The following GDF6 variants were observed in gnomAD, a reference collection of about 807,000 sequenced individuals.
GDF6 encodes the protein growth/differentiation factor 6.
In GDF6, 3 loss-of-function variants were observed where a neutral mutation model predicts 32.4. The observed-to-expected ratio is 0.09, with a 90% CI of 0.04 to 0.24. The LOEUF (loss-of-function observed/expected upper bound fraction) is 0.24, where lower values mean the gene tolerates loss of function less well. GDF6 is among the 10% of genes least tolerant of loss of function. GDF6 has a pLI of 1.00. For missense variants in GDF6, 589 were observed against 637.9 expected (o/e 0.92, Z 0.83); for synonymous variants, 296 against 295.3 (o/e 1.00, Z -0.03).
intron 1 of GDF6, among the ~76,000 whole-genome samples, chr8:96,148,543 G>T (rs1812519340): frequency 6.6e-6 from 1 of 152,146 alleles, no homozygotes; most frequent in Admixed American, 6.5e-5. Context: ...CTTGTGGTAG[G>T]GTCTAGAATT....
At chr8:96,149,994 T>A (rs962028306) in intron 1 of GDF6, among the ~76,000 whole-genome samples, 1 of 152,166 alleles carries the variant, frequency 6.6e-6, no homozygotes, top group Non-Finnish European at 1.5e-5. Context: ...GGCTAGCCTG[T>A]AGAGGGTTTC....
intron 1 of GDF6, among the ~76,000 whole-genome samples, chr8:96,148,825 G>T (rs1812523952): frequency 6.6e-6 from 1 of 152,128 alleles, no homozygotes; most frequent in African/African-American, 2.4e-5. Flanking sequence ...AAGTTCTCTT[G>T]GTTCTGGGTC....
Position 96,144,305 on chromosome 8 carries a change from G to T in GDF6, c.*258C>A. The T allele has an allele frequency of 1.3e-5, 5 of 376,218 alleles. No homozygotes were observed. Among genetic ancestry groups the T allele is most frequent in the African/African-American group, 5.1e-5 (2 of 39,126 alleles). 23.3% of individuals were successfully genotyped at this position (376,218 alleles called of 1,614,324 possible). ...GAGAGAGAGAGAAAACAGAACAAAA[G>T]AAATCCTCCTTGGCTTGTTTTTCCA... On this transcript the variant is annotated 3_prime_UTR_variant, in exon 2 of 2. Coordinates refer to ENST00000287020, the MANE Select transcript of GDF6 (RefSeq NM_001001557.4). This position sits in a 1 kb window ranked among gnomAD's most constrained non-coding sequence, Gnocchi z 5.1.
At chr8:96,157,950 C>T (rs564248731) in intron 1 of GDF6, among the ~76,000 whole-genome samples, 1 of 152,156 alleles carries the variant, frequency 6.6e-6, no homozygotes, top group Non-Finnish European at 1.5e-5. Context: ...CAGCAACGCA[C>T]CCCCTCCTCT....
intron 1 of GDF6, among the ~76,000 whole-genome samples, chr8:96,155,549 G>C (rs542321829): frequency 2.0e-5 from 3 of 152,304 alleles, no homozygotes; most frequent in Admixed American, 6.5e-5. Context: ...CCGTGAGCCT[G>C]GACAGTGGCA....
At chr8:96,154,842 C>T (rs1464198943) in intron 1 of GDF6, among the ~76,000 whole-genome samples, 3 of 152,206 alleles carry the variant, frequency 2.0e-5, no homozygotes, top group African/African-American at 4.8e-5. Context: ...TCCGCCACCG[C>T]CCCAGAAAGA....
intron 1 of GDF6, 148 bp downstream of exon 1, chr8:96,160,139 C>A: frequency 2.3e-6 from 2 of 878,984 alleles, no homozygotes; most frequent in Non-Finnish European, 3.8e-6. Flanking sequence ...CAGAAACTTA[C>A]TCGAGCTTGA....
chr8:96,146,520 AGC>A (rs1812487600), intron 1 of GDF6, among the ~76,000 whole-genome samples: 1 of 152,092 alleles, frequency 6.6e-6, no homozygotes, highest in Non-Finnish European at 1.5e-5. Flanking sequence ...CAAACAAAAG[AGC>A]AATGAAGTTT....
rs939988545 is a variant in GDF6, at chr8:96,142,597, T to A, written c.*1966A>T. On this transcript the variant is annotated 3_prime_UTR_variant, in exon 2 of 2. Transcript: ENST00000287020. ...ACTTTGTACAACTCGAATATAAACT[T>A]TAAAAATATTAGAAATTATAACATT... is the stretch of plus-strand genomic sequence containing the variant. The A allele has an allele frequency of 6.6e-6, 1 of 152,650 alleles. No individual in the cohort carries two copies. The highest frequency in any genetic ancestry group is 2.4e-5 in the African/African-American group (1 of 41,464). The allele number at this position is 152,650 out of a possible 1,614,324, so 9.5% of individuals were successfully genotyped here.
Position 96,145,958 on chromosome 8 carries a change from G to A in GDF6, c.407-434C>T, listed in dbSNP as rs1812478711. Among the ~76,000 whole-genome samples the A allele has an allele frequency of 6.6e-6, 1 of 152,198 alleles. No individual in the cohort carries two copies. The highest frequency in any genetic ancestry group is 1.5e-5 in the Non-Finnish European group (1 of 68,034). ...CCAAGTAGCCACCCCTGAGCACCCT[G>A]ATCTAAGGTAGCCTCTCCAGGTCTC... On this transcript the variant is annotated intron_variant, in intron 1 of 1. Transcript: ENST00000287020. The surrounding 1 kb of genome is among the most constrained non-coding windows in gnomAD (Gnocchi z 5.6).
intron 1 of GDF6, among the ~76,000 whole-genome samples, chr8:96,156,924 T>C (rs76272838): frequency 2.2e-4 from 34 of 152,330 alleles, no homozygotes; most frequent in African/African-American, 7.9e-4. Context: ...TATACAGTGC[T>C]CTAGTTAAAC....
chr8:96,152,438 G>A (rs1046811565), intron 1 of GDF6, among the ~76,000 whole-genome samples: 5 of 152,188 alleles, frequency 3.3e-5, no homozygotes, highest in African/African-American at 7.2e-5. Context: ...CTAAGGATTC[G>A]TTTCTTTCCC....
intron 1 of GDF6, among the ~76,000 whole-genome samples, chr8:96,152,888 G>A (rs941108505): frequency 6.6e-6 from 1 of 152,180 alleles, no homozygotes. Context: ...GACTCCACAA[G>A]TTAAGTGGGT....
intron 1 of GDF6, among the ~76,000 whole-genome samples, chr8:96,146,768 A>C (rs1285504654): frequency 6.6e-6 from 1 of 151,998 alleles, no homozygotes; most frequent in African/African-American, 2.4e-5. Flanking sequence ...CCAATCTAAA[A>C]TTCTCTCACT....
intron 1 of GDF6, among the ~76,000 whole-genome samples, chr8:96,153,524 C>T (rs1216673643): frequency 6.6e-6 from 1 of 152,196 alleles, no homozygotes; most frequent in Non-Finnish European, 1.5e-5. Context: ...TAGGGGCGGC[C>T]TTCCCTGCAC....
At position 96,143,358 on chromosome 8, in the gene GDF6, C is replaced by T. The variant is rs1812404899; in HGVS notation, c.*1205G>A. ...TCAGATTTTAAAGAAACTTCAGAGA[C>T]AGGGACTTGTGTCCCCTTTCATCCC... On this transcript the variant is annotated 3_prime_UTR_variant, in exon 2 of 2. Transcript: ENST00000287020. The T allele has an allele frequency of 6.6e-6, 1 of 152,636 alleles. No individual in the cohort carries two copies. The highest frequency in any genetic ancestry group is 6.5e-5 in the Admixed American group (1 of 15,284). The allele number at this position is 152,636 out of a possible 1,614,324, so 9.5% of individuals were successfully genotyped here.
intron 1 of GDF6, among the ~76,000 whole-genome samples, chr8:96,151,970 G>T (rs1586121953): frequency 6.6e-6 from 1 of 152,162 alleles, no homozygotes; most frequent in Admixed American, 6.5e-5. Context: ...ACATAGAGAC[G>T]TCCAGTGAAT....
chr8:96,155,751 A>G (rs1812650170), intron 1 of GDF6, among the ~76,000 whole-genome samples: 2 of 152,204 alleles, frequency 1.3e-5, no homozygotes, highest in Non-Finnish European at 2.9e-5. Context: ...AATCGAATAC[A>G]AGGTCACCAA....
intron 1 of GDF6, among the ~76,000 whole-genome samples, chr8:96,153,422 G>A (rs919381020): frequency 6.6e-6 from 1 of 152,192 alleles, no homozygotes; most frequent in African/African-American, 2.4e-5. Context: ...CGAAGCTCTC[G>A]TACTGTTCCC....
Sources: allele counts gnomAD v4.1 joint callset (sites outside exome capture counted in the v4.1 genomes callset), GRCh38; gene constraint gnomAD v4.1.1; non-coding constraint Gnocchi (gnomAD v3.1); transcripts MANE v1.5; gene names NCBI Gene and HGNC (gene_info 2026-07-23, HGNC 2026-07-21).